The following PTH2R variants were observed in gnomAD, a reference collection of about 807,000 sequenced individuals.
PTH2R encodes the protein PTH2 receptor.
Under a neutral mutation model 60.3 loss-of-function variants are expected in PTH2R, and 59 were observed. That is an observed-to-expected ratio of 0.98 (90% CI 0.79 to 1.22). The LOEUF is 1.22. Among genes scored for constraint, PTH2R ranks in the 50% most tolerant of loss-of-function variants. The probability of loss-of-function intolerance (pLI) is 0.00; values close to 1 mark genes in which losing one functional copy is unlikely to be tolerated. For missense variants in PTH2R, 749 were observed against 682.6 expected (o/e 1.10, Z -1.08); for synonymous variants, 256 against 243.8 (o/e 1.05, Z -0.47).
chr2:208,362,521 T>C (rs1299014676), intron 1 of PTH2R, among the ~76,000 whole-genome samples: 2 of 152,214 alleles, frequency 1.3e-5, no homozygotes, highest in African/African-American at 4.8e-5. Flanking sequence ...TATATAGATA[T>C]ATCTATATCA....
At chr2:208,473,553 G>T (rs1208200090) in intron 9 of PTH2R, among the ~76,000 whole-genome samples, 5 of 152,140 alleles carry the variant, frequency 3.3e-5, no homozygotes, top group African/African-American at 4.8e-5. Context: ...ATGGTTGTGG[G>T]AGGCTAGTTG....
rs974792739 is a variant in PTH2R at position 208,494,228 on chromosome 2, G to T, written c.*569G>T. 3.9e-5 allele frequency: 6 copies of T among 152,116 alleles called. No homozygotes were observed. Among genetic ancestry groups the T allele is most frequent in the African/African-American group, 1.4e-4 (6 of 41,404 alleles). The allele number at this position is 152,116 out of a possible 1,614,324, so 9.4% of individuals were successfully genotyped here. A position where few individuals can be genotyped will look rare whatever the true frequency, so the allele number is the denominator to read the frequency against. On this transcript the variant is annotated 3_prime_UTR_variant, in exon 13 of 13. Coordinates refer to ENST00000272847, the MANE Select transcript of PTH2R (RefSeq NM_005048.4). ...ATTTATAACAATTACATGTGTTTCT[G>T]GGAACAAGGAAAATTTCTCAAAAAA...
At chr2:208,419,786 T>C (rs540159807) in intron 1 of PTH2R, among the ~76,000 whole-genome samples, 23 of 152,310 alleles carry the variant, frequency 1.5e-4, no homozygotes, top group African/African-American at 5.5e-4. Flanking sequence ...GGGAATCCTT[T>C]CTCCATTGCT....
chr2:208,375,065 A>C (rs7586020), intron 1 of PTH2R, among the ~76,000 whole-genome samples: 60,015 of 151,922 alleles, frequency 0.4, 12,239 homozygotes, highest in East Asian at 0.54. Flanking sequence ...GCAACATGAC[A>C]AAAATTAGTT....
At chr2:208,414,805 C>G (rs557992358) in intron 1 of PTH2R, among the ~76,000 whole-genome samples, 17 of 152,122 alleles carry the variant, frequency 1.1e-4, no homozygotes, top group Non-Finnish European at 5.9e-5. Context: ...AGAGTGAAGT[C>G]ATGTTGATAG....
chr2:208,480,207 TC>T (rs1340413951), intron 9 of PTH2R, among the ~76,000 whole-genome samples: 3 of 152,186 alleles, frequency 2.0e-5, no homozygotes, highest in Admixed American at 2.0e-4. Context: ...AGACAAGTTA[TC>T]CCCAGGACTG....
intron 1 of PTH2R, among the ~76,000 whole-genome samples, chr2:208,425,802 T>C (rs1378015225): frequency 2.0e-5 from 3 of 152,236 alleles, no homozygotes; most frequent in Admixed American, 2.0e-4. Flanking sequence ...CCTGTGCCTA[T>C]TGATATTCCA....
At position 208,428,213 on chromosome 2, in the gene PTH2R, G is replaced by T. The variant is rs776679308; in HGVS notation, c.88G>T (p.Gly30Cys). 1 of 1,610,892 alleles carries T rather than the reference G, an allele frequency of 6.2e-7. No homozygotes were observed. The highest frequency in any genetic ancestry group is 8.5e-7 in the Non-Finnish European group (1 of 1,177,836). The change falls in exon 2 of 13, where the codon GGC becomes TGC. Residue 30 changes from glycine to cysteine, a missense_variant. Gly to Cys is a radical substitution (Grantham distance 159). Coordinates refer to ENST00000272847, the MANE Select transcript of PTH2R (RefSeq NM_005048.4). ...LLARAQLDSD[G>C]TITIEEQIVL... The stretch of plus-strand genomic sequence containing the variant: ...TTCACTTCTACAGCTGGATTCTGAT[G>T]GCACCATTACTATAGAGGAGCAGAT...
At chr2:208,489,506 G>C (rs745970017) in intron 11 of PTH2R, among the ~76,000 whole-genome samples, 1 of 152,088 alleles carries the variant, frequency 6.6e-6, no homozygotes, top group South Asian at 2.1e-4. Flanking sequence ...GCAGGAAAGA[G>C]CAAAAAGGAG....
Position 208,393,365 on chromosome 2 carries a change from C to T in PTH2R, c.-259+33128C>T, listed in dbSNP as rs369098724. ...CTTTCCATAAAGGCTGTGGAATTCT[C>T]ATCTCATCTTTGGTCTAGCATGGAC... On this transcript the variant is annotated intron_variant, in intron 1 of 12. Coordinates refer to the PTH2R transcript ENST00000617735. Among the ~76,000 whole-genome samples the T allele has an allele frequency of 1.1e-3, 167 of 152,250 alleles. 3 individuals are homozygous for T. The South Asian group carries it at 0.033, about 30-fold the overall frequency.
chr2:208,480,321 A>C (rs1703117174), intron 9 of PTH2R, among the ~76,000 whole-genome samples: 1 of 152,106 alleles, frequency 6.6e-6, no homozygotes, highest in Admixed American at 6.5e-5. Context: ...CACTTTCTGG[A>C]AAGCAGACAT....
chr2:208,379,953 T>TCC (rs1700880958), intron 1 of PTH2R, among the ~76,000 whole-genome samples: 2 of 151,854 alleles, frequency 1.3e-5, no homozygotes, highest in African/African-American at 4.9e-5. Flanking sequence ...ATTCAAAGGC[T>TCC]CAGAATCATC....
intron 9 of PTH2R, chr2:208,469,830 A>C (rs1212389351): frequency 6.6e-6 from 1 of 152,254 alleles, no homozygotes; most frequent in Non-Finnish European, 1.5e-5. Context: ...AATTAACAAA[A>C]GAACGTGATG....
chr2:208,436,175 G>T (rs1702071145), intron 2 of PTH2R, among the ~76,000 whole-genome samples: 1 of 152,176 alleles, frequency 6.6e-6, no homozygotes, highest in African/African-American at 2.4e-5. Context: ...AAGGTGATGA[G>T]AACTCAGGTG....
rs537825594 is a variant in PTH2R at position 208,419,207 on chromosome 2, G to A, written c.76-8994G>A. ...GTTGTTTCCTGACTTTTTAATGATT[G>A]CCATTCTAACTGGTGTGAGATGGTA... On this transcript the variant is annotated intron_variant, in intron 1 of 12. Coordinates refer to ENST00000272847, the MANE Select transcript of PTH2R (RefSeq NM_005048.4). Among the ~76,000 whole-genome samples, 1,192 of 152,234 alleles carry A rather than the reference G, an allele frequency of 7.8e-3. 7 individuals are homozygous for A. Among genetic ancestry groups the A allele is most frequent in the Middle Eastern group, 0.034 (10 of 294 alleles).
chr2:208,370,912 C>T (rs1700689630), intron 1 of PTH2R, among the ~76,000 whole-genome samples: 1 of 151,960 alleles, frequency 6.6e-6, no homozygotes, highest in Admixed American at 6.6e-5. Context: ...GTGAGGGCTT[C>T]AGGGAGCTTA....
At chr2:208,410,360 T>G (rs1701515329) in intron 1 of PTH2R, among the ~76,000 whole-genome samples, 1 of 152,212 alleles carries the variant, frequency 6.6e-6, no homozygotes, top group African/African-American at 2.4e-5. Flanking sequence ...TGATTTATAC[T>G]CTGACTTTTA....
At chr2:208,447,141 T>G (rs757659766) in intron 7 of PTH2R, among the ~76,000 whole-genome samples, 2 of 152,156 alleles carry the variant, frequency 1.3e-5, no homozygotes, top group Non-Finnish European at 2.9e-5. Flanking sequence ...TTATTTTATT[T>G]CTTATTATTT....
intron 1 of PTH2R, among the ~76,000 whole-genome samples, chr2:208,397,428 G>A (rs1483379787): frequency 1.3e-5 from 2 of 152,114 alleles, no homozygotes; most frequent in Non-Finnish European, 2.9e-5. Flanking sequence ...AAATCATATG[G>A]CTTTGATGAC....
Sources: gnomAD v4.1 joint callset for allele counts (sites outside exome capture counted in the v4.1 genomes callset) on GRCh38, gnomAD v4.1.1 for gene constraint, MANE v1.5 for transcripts, NCBI Gene and HGNC (gene_info 2026-07-23, HGNC 2026-07-21) for gene names.